The following CELF5 variants were observed in gnomAD, a reference collection of about 807,000 sequenced individuals.
CELF5 encodes CUG-BP and ETR-3 like factor 5.
CELF5 carries 6 observed loss-of-function variants against 54.9 expected under a neutral mutation model. That is an observed-to-expected ratio of 0.11 (90% confidence interval 0.06 to 0.22). CELF5 has a LOEUF of 0.22. CELF5 is among the 10% of genes least tolerant of loss of function. The pLI is 1.00. For synonymous variants in CELF5, 271 were observed against 290.9 expected (o/e 0.93, Z 0.70); for missense variants, 401 against 678.6 (o/e 0.59, Z 4.54).
chr19:3,241,931 C>T (rs1476220339), intron 1 of CELF5, among the ~76,000 whole-genome samples: 3 of 152,244 alleles, frequency 2.0e-5, no homozygotes, highest in East Asian at 1.9e-4. Flanking sequence ...CGCGCCGCCA[C>T]GCCCAGCTAA....
chr19:3,249,549 G>A (rs1483885286), intron 1 of CELF5, among the ~76,000 whole-genome samples: 1 of 151,294 alleles, frequency 6.6e-6, no homozygotes, highest in Non-Finnish European at 1.5e-5. Context: ...CTCACTCTGG[G>A]CCACTCTATG....
At chr19:3,276,419 G>A (rs2080054005) in intron 4 of CELF5, among the ~76,000 whole-genome samples, 1 of 151,232 alleles carries the variant, frequency 6.6e-6, no homozygotes, top group Admixed American at 6.6e-5. Context: ...GGGGTCTTGG[G>A]TAGGGGAGGT....
chr19:3,271,491 G>A (rs1359413524), intron 2 of CELF5, among the ~76,000 whole-genome samples: 1 of 152,168 alleles, frequency 6.6e-6, no homozygotes, highest in Non-Finnish European at 1.5e-5. Context: ...GCGGCAGGAA[G>A]GTTGGGCTGG....
In CELF5 at chr19:3,282,219, G is replaced by A. The variant is rs191297234; in HGVS notation, c.844G>A (p.Ala282Thr). ...FSPCHIQQIGAVSLNGLPATP... is the reference protein window; with the variant it reads ...FSPCHIQQIGTVSLNGLPATP... Reference sequence around the variant, plus strand: ...ACCCTGTCACATCCAGCAGATAGGCGCCGTCAGCCTCAACGGGCTGCCTGC... The same window carrying A: ...ACCCTGTCACATCCAGCAGATAGGCACCGTCAGCCTCAACGGGCTGCCTGC... The change falls in exon 7 of 13, where the codon GCC becomes ACC. Residue 282 changes from alanine to threonine, a missense_variant. This residue lies in a region of CELF5 where 87 missense variants were observed against 190.2 expected (regional missense o/e 0.46). Transcript: ENST00000292672. This position sits in a 1 kb window ranked among gnomAD's most constrained non-coding sequence, Gnocchi z 5.2. The A allele has an allele frequency of 2.1e-5, 34 of 1,613,658 alleles. No individual in the cohort carries two copies. Among genetic ancestry groups the A allele is most frequent in the African/African-American group, 1.7e-4 (13 of 75,048 alleles).
At chr19:3,284,387 C>A (rs2080199487) in intron 8 of CELF5, among the ~76,000 whole-genome samples, 1 of 152,192 alleles carries the variant, frequency 6.6e-6, no homozygotes. Context: ...TGAATTTTTC[C>A]CCAGAATCAT....
intron 1 of CELF5, among the ~76,000 whole-genome samples, chr19:3,244,313 C>T (rs994615250): frequency 6.6e-6 from 1 of 151,114 alleles, no homozygotes; most frequent in Non-Finnish European, 1.5e-5. Context: ...TGTGTGTGTG[C>T]GTAGTGTATA....
intron 1 of CELF5, among the ~76,000 whole-genome samples, chr19:3,235,245 A>C (rs975919258): frequency 1.3e-5 from 2 of 151,844 alleles, no homozygotes; most frequent in African/African-American, 4.8e-5. Flanking sequence ...TTTTTTGTGA[A>C]ACCCCTGTGA....
At chr19:3,273,819 CTGCCACA>C (rs2080003878) in intron 2 of CELF5, 46 bp from the exon 3 acceptor site, 334 of 1,184,110 alleles carry the variant, frequency 2.8e-4, no homozygotes, top group Middle Eastern at 4.0e-4. Context: ...AACCCCCCGC[CTGCCACA>C]CCCCCACTGC....
At chr19:3,225,054 T>G in intron 1 of CELF5, 56 bp downstream of exon 1, 1 of 1,032,722 alleles carries the variant, frequency 9.7e-7, no homozygotes. Flanking sequence ...CACCCCACCT[T>G]CCGGCATCTT....
intron 1 of CELF5, among the ~76,000 whole-genome samples, chr19:3,233,367 C>T (rs1917361105): frequency 1.3e-5 from 2 of 152,142 alleles, no homozygotes; most frequent in Non-Finnish European, 1.5e-5. Context: ...TAAAGCAATT[C>T]AGGGGGTAGG....
At chr19:3,231,402 TG>T (rs1309612055) in intron 1 of CELF5, among the ~76,000 whole-genome samples, 2 of 151,484 alleles carry the variant, frequency 1.3e-5, no homozygotes, top group East Asian at 3.9e-4. Flanking sequence ...GATAGAAAAG[TG>T]GGTAGATCAG....
chr19:3,258,418 G>A (rs565728698), intron 2 of CELF5, among the ~76,000 whole-genome samples: 13 of 150,666 alleles, frequency 8.6e-5, no homozygotes, highest in South Asian at 4.2e-4. Context: ...CACTGCGCCC[G>A]GCCTGTGTCT....
At chr19:3,280,106 G>A (rs1032295505) in intron 5 of CELF5, among the ~76,000 whole-genome samples, 10 of 152,234 alleles carry the variant, frequency 6.6e-5, no homozygotes, top group African/African-American at 2.4e-4. Flanking sequence ...AGGGCTGCCT[G>A]TTGGTGGATT....
chr19:3,224,747 G>C lies in CELF5; in HGVS notation c.8G>C (p.Arg3Pro), dbSNP rs781250778. 2.2e-6 allele frequency: 3 copies of C among 1,369,578 alleles called. No homozygotes were observed. The highest frequency in any genetic ancestry group is 2.8e-6 in the Non-Finnish European group (3 of 1,058,146). 84.8% of individuals were successfully genotyped at this position (1,369,578 alleles called of 1,614,324 possible). MA[R>P]LTESEARRQQ... ...CTCGGTCCCGCGCCCGCCATGGCCC[G>C]CCTGACGGAGAGCGAGGCGCGCCGG... Residue 3 changes from arginine (R) to proline (P), a missense_variant, in exon 1 of 13, where the codon CGC becomes CCC. Transcript: ENST00000292672.
At chr19:3,284,842 G>C in intron 8 of CELF5, 60 bp from the exon 9 acceptor site, 2 of 1,439,782 alleles carry the variant, frequency 1.4e-6, no homozygotes, top group Non-Finnish European at 2.0e-6. Context: ...CTTAAGGATC[G>C]GGGGTGGATG....
At position 3,273,456 on chromosome 19, in the gene CELF5, G is replaced by A. The variant is rs937910317; in HGVS notation, c.343-416G>A. On this transcript the variant is annotated intron_variant, in intron 2 of 12. Coordinates refer to ENST00000292672, the MANE Select transcript of CELF5 (RefSeq NM_021938.4). ...AAGCCACAAGGTCTCTTGAGGCTTA[G>A]GCTCAGAACTCCCGCAACTTAACTT... 3.9e-5 allele frequency among the ~76,000 whole-genome samples: 6 copies of A among 152,118 alleles called. No individual in the cohort carries two copies. In the South Asian group the frequency reaches 1.0e-3, roughly 26 times the overall value.
intron 2 of CELF5, among the ~76,000 whole-genome samples, chr19:3,258,910 C>T (rs1199287189): frequency 6.6e-6 from 1 of 152,142 alleles, no homozygotes; most frequent in Non-Finnish European, 1.5e-5. Context: ...TGTGCTTAGC[C>T]TGGATTTATC....
chr19:3,275,840 G>T lies in CELF5; in HGVS notation c.395-16G>T, dbSNP rs774050520. On this transcript the variant is annotated splice_polypyrimidine_tract_variant and intron_variant, in intron 3 of 12. Transcript: ENST00000292672. This position sits in a 1 kb window ranked among gnomAD's most constrained non-coding sequence, Gnocchi z 6.7. ...GAGGCCGGGGACTCGGCTGAGGTGG[G>T]TGTCGCCGCCCACAGGGGACCGGAA... The T allele has an allele frequency of 1.2e-5, 19 of 1,600,142 alleles. No individual in the cohort carries two copies. The highest frequency in any genetic ancestry group is 1.5e-5 in the Non-Finnish European group (17 of 1,170,156).
chr19:3,229,104 C>A (rs929596566), intron 1 of CELF5, among the ~76,000 whole-genome samples: 1 of 141,036 alleles, frequency 7.1e-6, no homozygotes, highest in African/African-American at 2.6e-5. Flanking sequence ...CCCCGCCCCC[C>A]GCTTCAGGCA....
Sources: gnomAD v4.1 joint callset for allele counts (sites outside exome capture counted in the v4.1 genomes callset) on GRCh38, gnomAD v4.1.1 for gene constraint, gnomAD v4.1.1 regional missense constraint, Gnocchi (gnomAD v3.1) non-coding constraint, MANE v1.5 for transcripts, NCBI Gene and HGNC (gene_info 2026-07-23, HGNC 2026-07-21) for gene names.